MDFIC: variants seen among roughly 807,000 people sequenced by gnomAD.
MDFIC encodes myoD family inhibitor domain-containing protein.
Under a neutral mutation model 23.2 loss-of-function variants are expected in MDFIC, and 17 were observed. That is an observed-to-expected ratio of 0.73 (90% CI 0.50 to 1.10). The LOEUF (loss-of-function observed/expected upper bound fraction) is 1.10, where lower values mean the gene tolerates loss of function less well. Among genes scored for constraint, MDFIC ranks in the 50% least tolerant of loss-of-function variants. MDFIC has a pLI of 0.00. For synonymous variants in MDFIC, 120 were observed against 115.2 expected, an observed-to-expected ratio of 1.04 and a Z score of -0.27; for missense variants, 356 against 316.6, an observed-to-expected ratio of 1.12 and a Z score of -0.95.
chr7:114,971,506 T>C (rs1793205017), intron 3 of MDFIC, among the ~76,000 whole-genome samples: 2 of 152,160 alleles, frequency 1.3e-5, no homozygotes, highest in African/African-American at 4.8e-5. Context: ...CTATCTAAGT[T>C]TGTCAATATA....
Position 114,979,629 on chromosome 7 carries a change from A to C in MDFIC, c.341A>C (p.Lys114Thr), listed in dbSNP as rs369442728. ...GGAAATGGAATTCACCACGGGGCCA[A>C]ACACGGATCCGCAGATAATCGCAAA... Reference protein sequence around the residue: ...SNGNGIHHGAKHGSADNRKLS... With the variant: ...SNGNGIHHGATHGSADNRKLS... The change falls in exon 4 of 5, where the codon AAA becomes ACA. Residue 114 changes from lysine to threonine, a missense_variant. By Grantham distance (78) the Lys-to-Thr change is moderately conservative. Transcript: ENST00000393486. The C allele has an allele frequency of 4.0e-5, 65 of 1,613,966 alleles. No individual in the cohort carries two copies. The highest frequency in any genetic ancestry group is 5.2e-5 in the Non-Finnish European group (61 of 1,180,004).
intron 3 of MDFIC, among the ~76,000 whole-genome samples, chr7:114,957,528 T>C (rs1365771932): frequency 6.6e-6 from 1 of 152,204 alleles, no homozygotes; most frequent in East Asian, 1.9e-4. Flanking sequence ...AGATCAGCTT[T>C]TTGAATAATA....
Position 115,015,695 on chromosome 7 carries a change from T to A in MDFIC, c.501T>A (p.Cys167Ter). The change falls in exon 5 of 5, where the codon TGT becomes TGA. Residue 167 changes from cysteine (C) to a stop codon, truncating the protein, a stop_gained. Transcript: ENST00000393486. LOFTEE classifies it high-confidence loss of function. ...TCATCACTGAAAATGAAGATTGTTG[T>A]GTCCACTGTATCCTGGCTTGCTTGT... The part of the protein sequence containing the change: ...QKTGSSPEDC[C>*]VHCILACLFC... 6.2e-7 allele frequency: 1 copy of A among 1,614,110 alleles called. No homozygotes were observed. The highest frequency in any genetic ancestry group is 8.5e-7 in the Non-Finnish European group (1 of 1,179,956).
rs1792125581 is a variant in MDFIC at position 114,923,142 on chromosome 7, G to A, written c.94+15G>A. 2 of 1,526,558 alleles carry A rather than the reference G, an allele frequency of 1.3e-6. No homozygotes were observed. Among genetic ancestry groups the A allele is most frequent in the Non-Finnish European group, 1.8e-6 (2 of 1,141,908 alleles). The allele number at this position is 1,526,558 out of a possible 1,614,324, so 94.6% of individuals were successfully genotyped here. ...CACAGCCCAGGGTGAGTGCGCGCTTGCAAGTGGCAAGCTTCTTTGTCATTG... is the reference window on the plus strand; with the variant it reads ...CACAGCCCAGGGTGAGTGCGCGCTTACAAGTGGCAAGCTTCTTTGTCATTG... On this transcript the variant is annotated intron_variant, in intron 2 of 4. Transcript: ENST00000393486.
At position 114,977,804 on chromosome 7, in the gene MDFIC, A is replaced by G. The variant is rs144569744; in HGVS notation, c.218-1702A>G. ...TGTTTTTTATATATAGGCATTTAAT[A>G]CATTTGGAATTTACATGTACTAATT... On this transcript the variant is annotated intron_variant, in intron 3 of 4. Coordinates refer to ENST00000393486, the MANE Select transcript of MDFIC (RefSeq NM_001166345.3). 8.0e-3 allele frequency among the ~76,000 whole-genome samples: 1,208 copies of G among 150,866 alleles called. 8 individuals are homozygous for G. Among genetic ancestry groups the G allele is most frequent in the Non-Finnish European group, 0.012 (819 of 67,736 alleles).
In MDFIC at chr7:114,942,269, A is replaced by G; in HGVS notation, c.95-6A>G. On this transcript the variant is annotated splice_polypyrimidine_tract_variant and splice_region_variant and intron_variant, in intron 2 of 4. Transcript: ENST00000393486. ...AATTATATTAAATGTATCTTTTTTA[A>G]TTCAGGAAAATGTGATAAAGACAAT... 1 of 1,459,324 alleles carries G rather than the reference A, an allele frequency of 6.9e-7. No homozygotes were observed. Among genetic ancestry groups the G allele is most frequent in the Non-Finnish European group, 9.3e-7 (1 of 1,078,090 alleles). 90.4% of individuals were successfully genotyped at this position (1,459,324 alleles called of 1,614,324 possible). A position where few individuals can be genotyped will look rare whatever the true frequency, so the allele number is the denominator to read the frequency against.
At chr7:114,941,236 G>A (rs555169349) in intron 2 of MDFIC, among the ~76,000 whole-genome samples, 6 of 152,296 alleles carry the variant, frequency 3.9e-5, no homozygotes, top group South Asian at 2.1e-4. Context: ...TTCCTAAGGC[G>A]TGGTTCTGAT....
chr7:114,925,062 C>T (rs1368156471), intron 2 of MDFIC, among the ~76,000 whole-genome samples: 1 of 152,044 alleles, frequency 6.6e-6, no homozygotes, highest in African/African-American at 2.4e-5. Context: ...GCTTAGTTAA[C>T]AGAAACCTAA....
intron 2 of MDFIC, chr7:114,923,680 T>C (rs1792136415): frequency 7.1e-7 from 1 of 1,404,834 alleles, no homozygotes; most frequent in Admixed American, 3.0e-5. Flanking sequence ...TGAATTAGCT[T>C]CTTTGTGTTC....
intron 4 of MDFIC, among the ~76,000 whole-genome samples, chr7:114,989,556 A>G (rs1793570018): frequency 6.6e-6 from 1 of 152,228 alleles, no homozygotes; most frequent in Non-Finnish European, 1.5e-5. Flanking sequence ...TTCTTGACAA[A>G]CCAGCATATA....
At chr7:114,926,500 T>C (rs529516006) in intron 2 of MDFIC, among the ~76,000 whole-genome samples, 1 of 152,312 alleles carries the variant, frequency 6.6e-6, no homozygotes, top group African/African-American at 2.4e-5. Context: ...TCCCTGTATC[T>C]TTCCCCCAAC....
At chr7:115,000,290 A>G (rs1165521421) in intron 4 of MDFIC, among the ~76,000 whole-genome samples, 3 of 152,178 alleles carry the variant, frequency 2.0e-5, no homozygotes, top group African/African-American at 4.8e-5. Context: ...ATATAGCCTA[A>G]GTATGTCATT....
At chr7:114,947,297 T>C (rs987505381) in intron 3 of MDFIC, among the ~76,000 whole-genome samples, 7 of 152,228 alleles carry the variant, frequency 4.6e-5, no homozygotes, top group Non-Finnish European at 7.3e-5. Flanking sequence ...CCTTGCTCAA[T>C]GTCTTTTCCT....
At chr7:114,957,426 C>G (rs533522069) in intron 3 of MDFIC, among the ~76,000 whole-genome samples, 1 of 152,102 alleles carries the variant, frequency 6.6e-6, no homozygotes, top group African/African-American at 2.4e-5. Context: ...GTCTCCTTAA[C>G]TATTATAGCT....
chr7:114,978,593 T>C (rs937336590), intron 3 of MDFIC, among the ~76,000 whole-genome samples: 1 of 152,110 alleles, frequency 6.6e-6, no homozygotes, highest in African/African-American at 2.4e-5. Flanking sequence ...TACTCTTTGC[T>C]TACAGGAGCA....
intron 3 of MDFIC, among the ~76,000 whole-genome samples, chr7:114,979,301 G>C (rs2115958463): frequency 6.6e-6 from 1 of 152,060 alleles, no homozygotes; most frequent in Non-Finnish European, 1.5e-5. Flanking sequence ...ACCCACTTTT[G>C]ATGACCCCGT....
rs201510608 is a variant in MDFIC at position 114,922,990 on chromosome 7, G to A, written c.-44G>A. 3 of 1,528,652 alleles carry A rather than the reference G, an allele frequency of 2.0e-6. No homozygotes were observed. The highest frequency in any genetic ancestry group is 2.7e-5 in the East Asian group (1 of 36,548). 94.7% of individuals were successfully genotyped at this position (1,528,652 alleles called of 1,614,324 possible). On this transcript the variant is annotated 5_prime_UTR_variant, in exon 2 of 5. Coordinates refer to ENST00000393486, the MANE Select transcript of MDFIC (RefSeq NM_001166345.3). ...TCCTCCGTGCGCCCTGCCGGGCGGC[G>A]AGCTAGGCGGCAGCGGCGCGGCGCG...
intron 4 of MDFIC, among the ~76,000 whole-genome samples, chr7:114,997,451 G>A (rs1447451138): frequency 6.6e-6 from 1 of 151,292 alleles, no homozygotes; most frequent in Non-Finnish European, 1.5e-5. Flanking sequence ...ATCTCTCTCA[G>A]ATTTTAAAGA....
chr7:114,964,209 A>T (rs1793048781), intron 3 of MDFIC, among the ~76,000 whole-genome samples: 1 of 152,186 alleles, frequency 6.6e-6, no homozygotes, highest in African/African-American at 2.4e-5. Context: ...AACTAATTTG[A>T]ATTAGAAATA....
Sources: gnomAD v4.1 joint callset for allele counts (sites outside exome capture counted in the v4.1 genomes callset) on GRCh38, gnomAD v4.1.1 for gene constraint, MANE v1.5 for transcripts, NCBI Gene and HGNC (gene_info 2026-07-23, HGNC 2026-07-21) for gene names.